The following CRK variants were observed in gnomAD, a reference collection of about 807,000 sequenced individuals.
CRK encodes adapter molecule crk.
A neutral mutation model predicts 29.8 loss-of-function variants in CRK; 4 were observed. That is an observed-to-expected ratio of 0.13 (90% CI 0.07 to 0.31). The LOEUF (loss-of-function observed/expected upper bound fraction) is 0.31. Among genes scored for constraint, CRK ranks in the 10% least tolerant of loss-of-function variants. CRK has a pLI of 1.00. For synonymous variants in CRK, 153 were observed against 164.9 expected, an observed-to-expected ratio of 0.93 and a Z score of 0.55; for missense variants, 274 against 396.5, an observed-to-expected ratio of 0.69 and a Z score of 2.62.
chr17:1,455,582 T>C (rs1176580308), intron 1 of CRK, among the ~76,000 whole-genome samples: 1 of 152,060 alleles, frequency 6.6e-6, no homozygotes, highest in Admixed American at 6.6e-5. Context: ...TGCCTTGCCC[T>C]GCCCTACCCT....
intron 1 of CRK, among the ~76,000 whole-genome samples, chr17:1,453,532 CATA>C (rs2074034320): frequency 6.6e-6 from 1 of 152,198 alleles, no homozygotes; most frequent in Non-Finnish European, 1.5e-5. Flanking sequence ...ATTCCCATCT[CATA>C]ATACTATTAA....
chr17:1,456,223 C>T lies in CRK; in HGVS notation c.-106G>A, dbSNP rs1035958909. On this transcript the variant is annotated 5_prime_UTR_variant, in exon 1 of 3. Transcript: ENST00000300574. Reference sequence around the variant, plus strand: ...GGCTCCGGTTTCAGCTTCACAGCAGCGCCCGAAATGGCGGCGGCAGCCGCG... The same window carrying T: ...GGCTCCGGTTTCAGCTTCACAGCAGTGCCCGAAATGGCGGCGGCAGCCGCG... The T allele has an allele frequency of 5.4e-6, 7 of 1,289,862 alleles. No individual in the cohort carries two copies. Among genetic ancestry groups the T allele is most frequent in the Non-Finnish European group, 6.9e-6 (7 of 1,017,086 alleles). The allele number at this position is 1,289,862 out of a possible 1,614,324, so 79.9% of individuals were successfully genotyped here. A position where few individuals can be genotyped will look rare whatever the true frequency, so the allele number is the denominator to read the frequency against.
At chr17:1,442,609 T>C (rs938444314) in intron 1 of CRK, among the ~76,000 whole-genome samples, 3 of 146,702 alleles carry the variant, frequency 2.0e-5, no homozygotes, top group Non-Finnish European at 4.5e-5. Flanking sequence ...AAAGGGTCTT[T>C]TTTTTTTTTT....
chr17:1,438,930 CCTCAAGCAAGCCTCCCACCCAGCCTCA>C (rs749694520), intron 1 of CRK, among the ~76,000 whole-genome samples: 88 of 152,260 alleles, frequency 5.8e-4, no homozygotes, highest in Admixed American at 9.2e-4. Context: ...GCAGCCTCAG[CCTCAAGCAAGCCTCCCACCCAGCCTCA>C]CGAATAGCTT....
intron 2 of CRK, among the ~76,000 whole-genome samples, chr17:1,427,030 C>CAAAAAAA: frequency 1.0e-3 from 37 of 35,304 alleles, no homozygotes; most frequent in South Asian, 1.7e-3. Context: ...AAACTGTCTC[C>CAAAAAAA]AAAAAAAAAA....
In CRK at chr17:1,455,978, T is replaced by C. The variant is rs1346380897; in HGVS notation, c.140A>G (p.Tyr47Cys). ...VRDSSTSPGDYVLSVSENSRV... is the reference protein window; with the variant it reads ...VRDSSTSPGDCVLSVSENSRV... Reference sequence around the variant, plus strand: ...CGAGTTCTCTGAGACGCTGAGCACATAGTCCCCGGGGCTGGTGCTCGAGTC... The same window carrying C: ...CGAGTTCTCTGAGACGCTGAGCACACAGTCCCCGGGGCTGGTGCTCGAGTC... Residue 47 changes from tyrosine to cysteine, a missense_variant, in exon 1 of 3, where the codon TAT becomes TGT. By Grantham distance (194) the Tyr-to-Cys change is radical. This residue lies in a region of CRK where 135 missense variants were observed against 180.9 expected (regional missense o/e 0.75). Transcript: ENST00000300574. 5 of 1,601,874 alleles carry C rather than the reference T, an allele frequency of 3.1e-6. No individual in the cohort carries two copies. Among genetic ancestry groups the C allele is most frequent in the Admixed American group, 1.7e-5 (1 of 59,180 alleles).
chr17:1,424,204 C>A (rs2073754845), intron 2 of CRK, among the ~76,000 whole-genome samples: 1 of 151,330 alleles, frequency 6.6e-6, no homozygotes, highest in Non-Finnish European at 1.5e-5. Context: ...GTAGCTGGGA[C>A]TACAGGCGCC....
chr17:1,436,549 CA>C, intron 2 of CRK, 70 bp downstream of exon 2: 1 of 1,482,952 alleles, frequency 6.7e-7, no homozygotes. Flanking sequence ...AGCATTGCTA[CA>C]AAGCTCTAAG....
intron 2 of CRK, among the ~76,000 whole-genome samples, chr17:1,433,825 G>GTT (rs56071119): frequency 0.013 from 1,690 of 127,270 alleles, 41 homozygotes; most frequent in African/African-American, 0.049. Context: ...AGCATGTATG[G>GTT]TTTTTTTTTT....
intron 1 of CRK, among the ~76,000 whole-genome samples, chr17:1,444,457 G>A (rs1241256137): frequency 3.3e-5 from 5 of 151,962 alleles, no homozygotes; most frequent in East Asian, 1.9e-4. Context: ...CCTGGGAGGC[G>A]GAGCCTGCAG....
intron 2 of CRK, among the ~76,000 whole-genome samples, chr17:1,424,232 A>G (rs1379390767): frequency 3.3e-5 from 5 of 151,686 alleles, no homozygotes; most frequent in African/African-American, 9.7e-5. Context: ...GTGCCCAGCT[A>G]ATTTTTGTAT....
chr17:1,452,531 T>C (rs930519442), intron 1 of CRK, among the ~76,000 whole-genome samples: 6 of 152,130 alleles, frequency 3.9e-5, no homozygotes, highest in African/African-American at 1.4e-4. Context: ...CTCACGTCTG[T>C]AATCCCAGCA....
intron 2 of CRK, among the ~76,000 whole-genome samples, chr17:1,427,145 G>C (rs1325721109): frequency 7.0e-6 from 1 of 142,746 alleles, no homozygotes; most frequent in East Asian, 2.3e-4. Flanking sequence ...AAAAAAATTA[G>C]TAAGGTATCA....
intron 1 of CRK, among the ~76,000 whole-genome samples, chr17:1,438,707 A>G (rs769723091): frequency 1.3e-5 from 2 of 152,156 alleles, no homozygotes; most frequent in Admixed American, 6.6e-5. Context: ...TAAAATTCCT[A>G]AGACACGAGT....
intron 1 of CRK, among the ~76,000 whole-genome samples, chr17:1,439,407 T>C (rs758559598): frequency 6.6e-6 from 1 of 151,906 alleles, no homozygotes; most frequent in Non-Finnish European, 1.5e-5. Context: ...GGCCACAAAG[T>C]TTCTAATTAG....
At position 1,423,412 on chromosome 17, in the gene CRK, A is replaced by G. The variant is rs572039367; in HGVS notation, c.*101T>C. On this transcript the variant is annotated 3_prime_UTR_variant, in exon 3 of 3. Transcript: ENST00000300574. ...CACAGGTAACAGAATGCTTATATAA[A>G]CTAGACTGCTTTTGACATCTGTAAG... 1.5e-5 allele frequency: 22 copies of G among 1,424,422 alleles called. No homozygotes were observed. In the South Asian group the frequency reaches 3.0e-4, roughly 20 times the overall value. The allele number at this position is 1,424,422 out of a possible 1,614,324, so 88.2% of individuals were successfully genotyped here.
chr17:1,454,297 T>C (rs543296577), intron 1 of CRK, among the ~76,000 whole-genome samples: 165 of 152,258 alleles, frequency 1.1e-3, no homozygotes, highest in African/African-American at 3.6e-3. Context: ...TCCCAGCACT[T>C]TGGGAGGCCG....
intron 1 of CRK, among the ~76,000 whole-genome samples, 182 bp from the exon 2 acceptor site, chr17:1,437,337 C>T (rs1366235642): frequency 6.6e-6 from 1 of 152,084 alleles, no homozygotes; most frequent in Non-Finnish European, 1.5e-5. Context: ...CAGGAGCCCA[C>T]CACTGTGCCT....
At chr17:1,436,196 AC>A (rs2073884946) in intron 2 of CRK, among the ~76,000 whole-genome samples, 1 of 152,070 alleles carries the variant, frequency 6.6e-6, no homozygotes, top group Non-Finnish European at 1.5e-5. Flanking sequence ...TGAAGCAAAA[AC>A]AAGTTTTTGC....
Sources: allele counts gnomAD v4.1 joint callset (sites outside exome capture counted in the v4.1 genomes callset), GRCh38; gene constraint gnomAD v4.1.1; regional missense constraint gnomAD v4.1.1; transcripts MANE v1.5; gene names NCBI Gene and HGNC (gene_info 2026-07-23, HGNC 2026-07-21).